ZNF185: variants seen among roughly 807,000 people sequenced by gnomAD.
The protein encoded by ZNF185 is zinc finger protein 185.
A neutral mutation model predicts 58.6 loss-of-function variants in ZNF185; 56 were observed. The observed-to-expected ratio is 0.95, with a 90% CI of 0.77 to 1.19. ZNF185 has a LOEUF of 1.19. ZNF185 is among the 50% of genes most tolerant of loss of function. ZNF185 has a pLI of 0.00. For synonymous variants in ZNF185, 230 were observed against 215.9 expected (o/e 1.07, Z -0.57); for missense variants, 627 against 573.5 (o/e 1.09, Z -0.95).
At chrX:152,945,175 T>C in intron 15 of ZNF185, 92 bp from the exon 18 acceptor site, 1 of 999,540 alleles carries the variant, frequency 1.0e-6, no homozygotes, top group Admixed American at 3.0e-5. Context: ...TCCCTCCAAG[T>C]CCACAGGAGG....
At position 152,920,237 on chromosome X, in the gene ZNF185, C is replaced by G. The variant is rs1342147258; in HGVS notation, c.531-91C>G. The G allele has an allele frequency of 7.3e-6, 7 of 952,612 alleles. No individual in the cohort carries two copies. The East Asian group carries it at 1.3e-4, about 17-fold the overall frequency. 78.5% of individuals were successfully genotyped at this position (952,612 alleles called of 1,213,427 possible). On this transcript the variant is annotated intron_variant, in intron 7 of 22. Coordinates refer to ENST00000449285, the Ensembl canonical transcript of ZNF185. ...CACCCCTTGCCTCCCTGGGGTGGCC[C>G]TAAGTCACCCCGAGTCCATCCCAGG...
chrX:152,957,585 C>T (rs781996766), intron 16 of ZNF185, among the ~76,000 whole-genome samples: 181 of 112,096 alleles, frequency 1.6e-3, no homozygotes, highest in African/African-American at 5.6e-3. Context: ...GAAAGTACTG[C>T]CACATGGTTA....
At chrX:152,900,925 G>A in the ZNF185 span, among the ~76,000 whole-genome samples, 1 of 112,526 alleles carries the variant, frequency 8.9e-6, no homozygotes, top group Non-Finnish European at 1.9e-5. Context: ...CTAAAGCCAG[G>A]AGCACCTGCT....
chrX:152,949,120 G>A lies in ZNF185; in HGVS notation c.1409+3656G>A, dbSNP rs1450874068. Among the ~76,000 whole-genome samples the A allele has an allele frequency of 2.7e-5, 3 of 109,748 alleles. No homozygotes were observed. In the East Asian group the frequency reaches 8.7e-4, roughly 32 times the overall value. The stretch of plus-strand genomic sequence containing the variant: ...AATTTAGAAAGCCACATTTCTGGTC[G>A]AGTGAGTGGAGTATGTGACCCCTCC... On this transcript the variant is annotated intron_variant, in intron 16 of 22. Transcript: ENST00000449285.
chrX:152,954,063 T>C (rs2048558655), intron 16 of ZNF185, among the ~76,000 whole-genome samples: 1 of 111,065 alleles, frequency 9.0e-6, no homozygotes, highest in Admixed American at 9.6e-5. Flanking sequence ...AAAAAGACTA[T>C]TGCAATAGGG....
upstream of ZNF185, chrX:152,914,403 C>G: frequency 1.1e-6 from 1 of 905,594 alleles, no homozygotes; most frequent in Non-Finnish European, 1.5e-6. Context: ...CAAGACACTA[C>G]AAATGCATGA....
In ZNF185 at chrX:152,945,134, C is replaced by G; in HGVS notation, c.1212-133C>G. 4.2e-6 allele frequency: 3 copies of G among 716,747 alleles called. No individual in the cohort carries two copies. The South Asian group carries it at 8.6e-5, about 20-fold the overall frequency. The allele number at this position is 716,747 out of a possible 1,213,427, so 59.1% of individuals were successfully genotyped here. On this transcript the variant is annotated intron_variant, in intron 15 of 22. Transcript: ENST00000449285. ...TCCCTGGAATTGGGGCTGTGCCTGG[C>G]TCCTTTCTGCCCCGCTTTCAGGGAT...
At chrX:152,926,334 C>T (rs1475806983) in intron 11 of ZNF185, among the ~76,000 whole-genome samples, 3 of 112,693 alleles carry the variant, frequency 2.7e-5, no homozygotes, top group African/African-American at 9.7e-5. Flanking sequence ...TACCACAGTG[C>T]CTGGGTGCTG....
chrX:152,961,488 G>T (rs782592127), intron 17 of ZNF185, among the ~76,000 whole-genome samples: 1 of 111,631 alleles, frequency 9.0e-6, no homozygotes, highest in African/African-American at 3.3e-5. Flanking sequence ...GAAGGTGCAC[G>T]TGTCTTTTGA....
chrX:152,973,243 GCCTTT>G, exon 23 of ZNF185: 1 of 112,200 alleles, frequency 8.9e-6, no homozygotes, highest in Non-Finnish European at 1.9e-5. Flanking sequence ...GGTATAGTCT[GCCTTT>G]AAGGGAGTTT....
rs782812702 is a variant in ZNF185, at chrX:152,969,333, A to C, written c.1872-49A>C. The C allele has an allele frequency of 3.8e-6, 4 of 1,056,521 alleles. No individual in the cohort carries two copies. In the Admixed American group the frequency reaches 1.0e-4, roughly 26 times the overall value. The allele number at this position is 1,056,521 out of a possible 1,213,427, so 87.1% of individuals were successfully genotyped here. ...GGAAGGTCTGGCTGTGTCACATCAG[A>C]GGTCTGTACACCAGCCTGACCACCG... On this transcript the variant is annotated intron_variant, in intron 20 of 22. Coordinates refer to ENST00000449285, the Ensembl canonical transcript of ZNF185.
the ZNF185 span, among the ~76,000 whole-genome samples, chrX:152,908,151 G>A: frequency 1.8e-5 from 2 of 112,717 alleles, no homozygotes; most frequent in Non-Finnish European, 3.7e-5. Flanking sequence ...GGGAAGAGGA[G>A]CAGAGATGTA....
chrX:152,933,923 G>A (rs1170081168), intron 14 of ZNF185, among the ~76,000 whole-genome samples: 1 of 111,879 alleles, frequency 8.9e-6, no homozygotes, highest in Non-Finnish European at 1.9e-5. Flanking sequence ...CTAAATCCAG[G>A]CCCACAAGTC....
the ZNF185 span, among the ~76,000 whole-genome samples, chrX:152,898,100 C>A: frequency 9.1e-6 from 1 of 109,773 alleles, no homozygotes; most frequent in Non-Finnish European, 1.9e-5. Context: ...GCGCGCTCCC[C>A]GCTGTGCACC....
chrX:152,915,275 A>G, intron 3 of ZNF185, 72 bp downstream of exon 4: 1 of 1,089,438 alleles, frequency 9.2e-7, no homozygotes, highest in Non-Finnish European at 1.3e-6. Flanking sequence ...CCAGCCCTCA[A>G]CAGGGAGGGG....
chrX:152,937,720 C>T (rs782071249), intron 14 of ZNF185, among the ~76,000 whole-genome samples: 1 of 112,555 alleles, frequency 8.9e-6, no homozygotes, highest in Admixed American at 9.3e-5. Context: ...GTGCACCAGA[C>T]TCATTGAGTC....
chrX:152,936,733 C>G (rs2046329528), intron 14 of ZNF185, among the ~76,000 whole-genome samples: 1 of 110,345 alleles, frequency 9.1e-6, no homozygotes, highest in Admixed American at 9.7e-5. Flanking sequence ...CCCAGAGAGC[C>G]CAGCACCAAC....
intron 15 of ZNF185, among the ~76,000 whole-genome samples, chrX:152,944,077 C>T (rs1556892439): frequency 1.1e-4 from 12 of 113,142 alleles, no homozygotes; most frequent in Non-Finnish European, 7.5e-5. Context: ...TGTGTGGCGT[C>T]ACACTCACTT....
chrX:152,899,025 G>A, the ZNF185 span, among the ~76,000 whole-genome samples: 8 of 112,031 alleles, frequency 7.1e-5, no homozygotes, highest in South Asian at 2.6e-3. Flanking sequence ...GGGCTGCTGG[G>A]GACTCAGATA....
Sources: gnomAD v4.1 joint callset for allele counts (sites outside exome capture counted in the v4.1 genomes callset) on GRCh38, gnomAD v4.1.1 for gene constraint, MANE v1.5 for transcripts, NCBI Gene and HGNC (gene_info 2026-07-23, HGNC 2026-07-21) for gene names.